SNX13: variants seen among roughly 807,000 people sequenced by gnomAD.
SNX13 encodes the protein sorting nexin-13.
Under a neutral mutation model 133.6 loss-of-function variants are expected in SNX13, and 45 were observed. The observed-to-expected ratio is 0.34, with a 90% CI of 0.27 to 0.43. SNX13 has a LOEUF of 0.43. SNX13 is among the 20% of genes least tolerant of loss of function. SNX13 has a pLI of 1.00. For missense variants in SNX13, 1,032 were observed against 1,145.1 expected (o/e 0.90, Z 1.43); for synonymous variants, 414 against 373.9 (o/e 1.11, Z -1.24).
rs112347343 is a variant in SNX13, at chr7:17,835,129, T to G, written c.1360-264A>C. Among the ~76,000 whole-genome samples the G allele has an allele frequency of 1.4e-4, 22 of 152,004 alleles. 2 individuals are homozygous for G. Among genetic ancestry groups the G allele is most frequent in the African/African-American group, 5.3e-4 (22 of 41,522 alleles). On this transcript the variant is annotated intron_variant, in intron 13 of 25. Coordinates refer to ENST00000428135, the MANE Select transcript of SNX13 (RefSeq NM_015132.5). The stretch of plus-strand genomic sequence containing the variant: ...CTAGCAAGTTATCTCTCAGTAAGCT[T>G]CATTTACCCCATCTGTAAAATGGAG...
chr7:17,805,254 T>C (rs10235030), intron 20 of SNX13, among the ~76,000 whole-genome samples: 40,799 of 132,078 alleles, frequency 0.31, 7,259 homozygotes, highest in African/African-American at 0.45. Flanking sequence ...TGTGTGTGCG[T>C]GCGCGCGCGC....
intron 9 of SNX13, among the ~76,000 whole-genome samples, chr7:17,863,785 T>C (rs1399293525): frequency 6.6e-6 from 1 of 152,244 alleles, no homozygotes; most frequent in East Asian, 1.9e-4. Flanking sequence ...ACAGTGTCCA[T>C]GTCACTGTTT....
chr7:17,808,715 G>T (rs1441121077), intron 20 of SNX13, among the ~76,000 whole-genome samples: 2 of 152,110 alleles, frequency 1.3e-5, no homozygotes, highest in Non-Finnish European at 2.9e-5. Context: ...GAAAGGTCAG[G>T]TTACCCACAA....
At chr7:17,830,570 T>G (rs1788376442) in intron 15 of SNX13, 1 of 983,536 alleles carries the variant, frequency 1.0e-6, no homozygotes, top group East Asian at 1.1e-4. Context: ...TCCAGATTTT[T>G]AAATCAATAT....
At chr7:17,891,955 C>A (rs1264340656) in intron 3 of SNX13, among the ~76,000 whole-genome samples, 1 of 152,096 alleles carries the variant, frequency 6.6e-6, no homozygotes, top group African/African-American at 2.4e-5. Flanking sequence ...GTGAGTCAAA[C>A]TGTCTTTACT....
At chr7:17,812,127 CA>C (rs1437273541) in intron 20 of SNX13, among the ~76,000 whole-genome samples, 3 of 152,194 alleles carry the variant, frequency 2.0e-5, no homozygotes, top group Non-Finnish European at 2.9e-5. Context: ...GCAATGGCAA[CA>C]AAAGCCAAAA....
At chr7:17,873,484 C>T (rs1451185267) in intron 8 of SNX13, 44 bp downstream of exon 8, 2 of 1,365,602 alleles carry the variant, frequency 1.5e-6, no homozygotes, top group African/African-American at 1.5e-5. Context: ...AACTACTGCT[C>T]TACATTTTTT....
chr7:17,814,181 C>T (rs141896912), intron 20 of SNX13, among the ~76,000 whole-genome samples: 298 of 152,206 alleles, frequency 2.0e-3, no homozygotes, highest in African/African-American at 6.7e-3. Context: ...TTGCATGATT[C>T]ACATAATGCT....
chr7:17,842,727 TAAA>T (rs1327770146), intron 12 of SNX13, among the ~76,000 whole-genome samples: 1 of 152,068 alleles, frequency 6.6e-6, no homozygotes, highest in African/African-American at 2.4e-5. Flanking sequence ...GTAACTCATT[TAAA>T]AGAACTATTA....
chr7:17,805,103 A>G (rs1344626224), intron 20 of SNX13, among the ~76,000 whole-genome samples: 3 of 152,126 alleles, frequency 2.0e-5, no homozygotes, highest in Non-Finnish European at 4.4e-5. Flanking sequence ...GAATAAAACC[A>G]AAGAACAGAA....
At chr7:17,879,164 G>A (rs1208343601) in intron 5 of SNX13, among the ~76,000 whole-genome samples, 2 of 152,166 alleles carry the variant, frequency 1.3e-5, no homozygotes, top group Non-Finnish European at 2.9e-5. Context: ...ATCTCAGTAA[G>A]GCACAGATTG....
At chr7:17,814,371 T>C (rs1786410891) in intron 20 of SNX13, among the ~76,000 whole-genome samples, 1 of 152,158 alleles carries the variant, frequency 6.6e-6, no homozygotes, top group African/African-American at 2.4e-5. Flanking sequence ...TTATTTACTG[T>C]CTTACCTTAC....
intron 1 of SNX13, among the ~76,000 whole-genome samples, chr7:17,928,319 A>G (rs1363025688): frequency 6.6e-6 from 1 of 152,108 alleles, no homozygotes; most frequent in African/African-American, 2.4e-5. Context: ...ATATAGCAAG[A>G]CCCCATCTCT....
intron 18 of SNX13, among the ~76,000 whole-genome samples, chr7:17,818,686 G>C (rs1786946030): frequency 6.6e-6 from 1 of 152,020 alleles, no homozygotes; most frequent in Non-Finnish European, 1.5e-5. Flanking sequence ...AATTATATCA[G>C]AGGATTTCAA....
chr7:17,891,483 C>A, intron 4 of SNX13, 63 bp downstream of exon 4: 2 of 1,214,458 alleles, frequency 1.6e-6, no homozygotes, highest in Non-Finnish European at 2.3e-6. Context: ...TTCCTGGTAT[C>A]TTCAAAAGAA....
At chr7:17,938,745 T>A (rs1470270375) in intron 1 of SNX13, among the ~76,000 whole-genome samples, 2 of 152,206 alleles carry the variant, frequency 1.3e-5, no homozygotes, top group African/African-American at 2.4e-5. Flanking sequence ...GTATTAAAAC[T>A]CTGAAACATG....
chr7:17,923,028 C>A (rs1562529704), intron 1 of SNX13, among the ~76,000 whole-genome samples: 1 of 152,100 alleles, frequency 6.6e-6, no homozygotes, highest in Non-Finnish European at 1.5e-5. Flanking sequence ...TTTTAGATAG[C>A]ACATACCACT....
At chr7:17,804,633 CAAACT>C (rs1011079258) in intron 20 of SNX13, among the ~76,000 whole-genome samples, 3 of 150,722 alleles carry the variant, frequency 2.0e-5, no homozygotes, top group African/African-American at 7.3e-5. Context: ...CTAAAGAAAC[CAAACT>C]AGAGATGCAG....
chr7:17,870,142 T>C (rs774330299), intron 8 of SNX13, among the ~76,000 whole-genome samples: 2 of 152,104 alleles, frequency 1.3e-5, no homozygotes, highest in Non-Finnish European at 2.9e-5. Context: ...AGACCTCCAA[T>C]TTTTAGAAGA....
Sources: allele counts gnomAD v4.1 joint callset (sites outside exome capture counted in the v4.1 genomes callset), GRCh38; gene constraint gnomAD v4.1.1; transcripts MANE v1.5; gene names NCBI Gene and HGNC (gene_info 2026-07-23, HGNC 2026-07-21).